SHANK2: variants seen among roughly 807,000 people sequenced by gnomAD.
SHANK2 encodes SH3 and multiple ankyrin repeat domains 2, also known as SH3 and multiple ankyrin repeat domains protein 2.
Under a neutral mutation model 133.7 loss-of-function variants are expected in SHANK2, and 43 were observed. The observed-to-expected ratio is 0.32, with a 90% CI of 0.25 to 0.41. The LOEUF (loss-of-function observed/expected upper bound fraction) is 0.41, where lower values mean the gene tolerates loss of function less well. SHANK2 is among the 10% of genes least tolerant of loss of function. The probability of loss-of-function intolerance (pLI) is 1.00; values close to 1 mark genes in which losing one functional copy is unlikely to be tolerated. For missense variants in SHANK2, 1,994 were observed against 2,235.8 expected (o/e 0.89, Z 2.18); for synonymous variants, 1,017 against 952.8 (o/e 1.07, Z -1.24).
At chr11:70,533,047 A>G (rs2059496097) in intron 17 of SHANK2, among the ~76,000 whole-genome samples, 1 of 152,190 alleles carries the variant, frequency 6.6e-6, no homozygotes, top group Non-Finnish European at 1.5e-5. Flanking sequence ...AGAGTAGCCA[A>G]ATTCACAGCG....
Position 70,471,731 on chromosome 11 carries a change from G to A in SHANK2, c.*1138C>T. Reference sequence around the variant, plus strand: ...AAGCCTCTAAGTACCATCTTCCCTGGCCTCCGAGAGCAAAAGGACTGTCTC... The same window carrying A: ...AAGCCTCTAAGTACCATCTTCCCTGACCTCCGAGAGCAAAAGGACTGTCTC... On this transcript the variant is annotated 3_prime_UTR_variant, in exon 26 of 26. Transcript: ENST00000601538. The surrounding 1 kb of genome is among the most constrained non-coding windows in gnomAD (Gnocchi z 4.1). The A allele has an allele frequency of 4.3e-6, 1 of 231,274 alleles. No homozygotes were observed. The highest frequency in any genetic ancestry group is 8.3e-6 in the Non-Finnish European group (1 of 120,278). The allele number at this position is 231,274 out of a possible 1,614,324, so 14.3% of individuals were successfully genotyped here. A position where few individuals can be genotyped will look rare whatever the true frequency, so the allele number is the denominator to read the frequency against.
intron 14 of SHANK2, among the ~76,000 whole-genome samples, chr11:70,743,766 C>A (rs1946581465): frequency 6.6e-6 from 1 of 152,168 alleles, no homozygotes; most frequent in South Asian, 2.1e-4. Flanking sequence ...GTGAACTCTG[C>A]CCAGCTCCTA....
chr11:70,853,372 G>A (rs1555066197), intron 11 of SHANK2, among the ~76,000 whole-genome samples: 2 of 152,202 alleles, frequency 1.3e-5, no homozygotes, highest in African/African-American at 4.8e-5. Context: ...GCGGCCGTGG[G>A]GACAGACAAG....
At chr11:71,126,060 A>T (rs1555102579) in intron 3 of SHANK2, among the ~76,000 whole-genome samples, 4 of 151,934 alleles carry the variant, frequency 2.6e-5, no homozygotes. Flanking sequence ...TCTACTAAAA[A>T]TACAAAAATT....
At chr11:70,643,457 A>T (rs1037109817) in intron 17 of SHANK2, among the ~76,000 whole-genome samples, 15 of 151,380 alleles carry the variant, frequency 9.9e-5, no homozygotes, top group Non-Finnish European at 1.9e-4. Context: ...CCAGCTCCTC[A>T]GGAGGCTGAG....
At chr11:71,157,621 G>A (rs1555109285) in intron 2 of SHANK2, among the ~76,000 whole-genome samples, 1 of 152,106 alleles carries the variant, frequency 6.6e-6, no homozygotes, top group Non-Finnish European at 1.5e-5. Context: ...GCCTCAGTGG[G>A]TTTCTGTCCA....
chr11:70,641,776 T>C (rs2061186455), intron 17 of SHANK2, among the ~76,000 whole-genome samples: 1 of 152,152 alleles, frequency 6.6e-6, no homozygotes, highest in Admixed American at 6.5e-5. Context: ...TGTGGCTTGT[T>C]ACGGTGTCCA....
chr11:71,171,322 T>C (rs1461445896), intron 2 of SHANK2, among the ~76,000 whole-genome samples: 1 of 152,130 alleles, frequency 6.6e-6, no homozygotes, highest in African/African-American at 2.4e-5. Flanking sequence ...ATCCAGGTCC[T>C]AAGCCTCAGA....
intron 2 of SHANK2, among the ~76,000 whole-genome samples, chr11:71,170,171 ATTTT>A (rs1215583124): frequency 6.6e-6 from 1 of 151,932 alleles, no homozygotes; most frequent in African/African-American, 2.4e-5. Flanking sequence ...ATACATCCAA[ATTTT>A]TTTTCTGTAT....
At position 71,125,332 on chromosome 11, in the gene SHANK2, G is replaced by T. The variant is rs1344283706; in HGVS notation, c.208-6300C>A. On this transcript the variant is annotated intron_variant, in intron 3 of 25. Transcript: ENST00000601538. The stretch of plus-strand genomic sequence containing the variant: ...CCAGCACCAAACAGTAAGCCATCGT[G>T]TGAATGCAAACAAAATGTTCCTGAA... 2.0e-5 allele frequency among the ~76,000 whole-genome samples: 3 copies of T among 152,336 alleles called. No individual in the cohort carries two copies. In the South Asian group the frequency reaches 6.2e-4, roughly 32 times the overall value.
chr11:70,912,355 T>C (rs1227689880), intron 10 of SHANK2, among the ~76,000 whole-genome samples: 1 of 152,158 alleles, frequency 6.6e-6, no homozygotes, highest in Non-Finnish European at 1.5e-5. Flanking sequence ...AAATCTCAAC[T>C]TGAATTGTAT....
intron 14 of SHANK2, among the ~76,000 whole-genome samples, chr11:70,747,743 G>A (rs1003969400): frequency 6.6e-6 from 1 of 152,204 alleles, no homozygotes; most frequent in African/African-American, 2.4e-5. Flanking sequence ...GTGTGCATAT[G>A]TGTGAACAGG....
In SHANK2 at chr11:71,134,650, G is replaced by C. The variant is rs137948090; in HGVS notation, c.207+12470C>G. Among the ~76,000 whole-genome samples the C allele has an allele frequency of 7.4e-3, 1,120 of 152,182 alleles. 16 individuals are homozygous for C. The highest frequency in any genetic ancestry group is 0.026 in the African/African-American group (1,075 of 41,518). On this transcript the variant is annotated intron_variant, in intron 3 of 25. Coordinates refer to ENST00000601538, the MANE Select transcript of SHANK2 (RefSeq NM_012309.5). ...AGATGGAGTTTCACCATGTTGGCCA[G>C]GCTGGTCACAAACTCTTGACCTCAA...
At chr11:70,638,974 G>A (rs1213055719) in intron 17 of SHANK2, among the ~76,000 whole-genome samples, 1 of 151,784 alleles carries the variant, frequency 6.6e-6, no homozygotes, top group Non-Finnish European at 1.5e-5. Context: ...TCCAGCCTGG[G>A]CAACAAGAGT....
At chr11:70,737,783 A>G (rs564672447) in intron 14 of SHANK2, among the ~76,000 whole-genome samples, 1 of 152,264 alleles carries the variant, frequency 6.6e-6, no homozygotes, top group Admixed American at 6.5e-5. Context: ...AAATGATTCC[A>G]GAATGAAGGC....
rs189829238 is a variant in SHANK2, at chr11:70,527,025, C to T, written c.2062-24094G>A. On this transcript the variant is annotated intron_variant, in intron 17 of 25. Coordinates refer to ENST00000601538, the MANE Select transcript of SHANK2 (RefSeq NM_012309.5). ...CTCCCAGTCCTCAACGCTTCCTACA[C>T]GACCACATCCCAGACCCTCCTCACA... is the stretch of plus-strand genomic sequence containing the variant. Among the ~76,000 whole-genome samples, 441 of 152,168 alleles carry T rather than the reference C, an allele frequency of 2.9e-3. 1 individual carries two copies. Among genetic ancestry groups the T allele is most frequent in the African/African-American group, 9.9e-3 (411 of 41,538 alleles).
chr11:71,234,299 C>G (rs1555123383), intron 1 of SHANK2, among the ~76,000 whole-genome samples: 1 of 150,122 alleles, frequency 6.7e-6, no homozygotes, highest in African/African-American at 2.5e-5. Context: ...GAGGCGGAGG[C>G]TGCAGTGAGC....
At chr11:70,721,241 A>G (rs1946069651) in intron 14 of SHANK2, among the ~76,000 whole-genome samples, 1 of 152,202 alleles carries the variant, frequency 6.6e-6, no homozygotes, top group Non-Finnish European at 1.5e-5. Context: ...CATCACACCT[A>G]GTGGGGCTGT....
At chr11:70,827,874 C>T (rs903265461) in intron 11 of SHANK2, among the ~76,000 whole-genome samples, 9 of 152,056 alleles carry the variant, frequency 5.9e-5, no homozygotes, top group African/African-American at 1.9e-4. Flanking sequence ...TCCCTGAAGG[C>T]GTACCAGGGA....
Sources: allele counts gnomAD v4.1 joint callset (sites outside exome capture counted in the v4.1 genomes callset), GRCh38; gene constraint gnomAD v4.1.1; non-coding constraint Gnocchi (gnomAD v3.1); transcripts MANE v1.5; gene names NCBI Gene and HGNC (gene_info 2026-07-23, HGNC 2026-07-21).